Variants in AGTPBP1 observed in about 807,000 individuals in gnomAD.
The protein encoded by AGTPBP1 is ATP/GTP binding carboxypeptidase 1, also known as cytosolic carboxypeptidase 1.
A neutral mutation model predicts 143.9 loss-of-function variants in AGTPBP1; 70 were observed. The ratio of observed to expected loss-of-function variants is 0.49; its 90% CI spans 0.40 to 0.59. The LOEUF is 0.59. Ranked by LOEUF, AGTPBP1 falls within the 20% of genes least tolerant of loss-of-function variation. The pLI, the probability that AGTPBP1 is intolerant of heterozygous loss-of-function variation, is 0.00. For missense variants in AGTPBP1, 1,229 were observed against 1,464.5 expected (o/e 0.84, Z 2.62); for synonymous variants, 463 against 500.2 (o/e 0.93, Z 0.99).
At chr9:85,788,338 C>T in the AGTPBP1 span, among the ~76,000 whole-genome samples, 1 of 149,510 alleles carries the variant, frequency 6.7e-6, no homozygotes, top group Non-Finnish European at 1.5e-5. Flanking sequence ...ATCATAGAAA[C>T]CAAAGGTAAA....
At chr9:85,641,214 T>A (rs1832442088) in intron 13 of AGTPBP1, among the ~76,000 whole-genome samples, 1 of 152,208 alleles carries the variant, frequency 6.6e-6, no homozygotes, top group African/African-American at 2.4e-5. Context: ...TTCTCATATG[T>A]ACAGAAAAAG....
intron 17 of AGTPBP1, among the ~76,000 whole-genome samples, chr9:85,614,710 GA>G (rs1830505827): frequency 6.6e-6 from 1 of 151,984 alleles, no homozygotes; most frequent in Admixed American, 6.6e-5. Context: ...AAATAAATTA[GA>G]AACACAGTGG....
In AGTPBP1 at chr9:85,632,879, C is replaced by T. The variant is rs1831773089; in HGVS notation, c.1798G>A (p.Glu600Lys). 2 of 1,614,172 alleles carry T rather than the reference C, an allele frequency of 1.2e-6. No homozygotes were observed. Among genetic ancestry groups the T allele is most frequent in the Non-Finnish European group, 1.7e-6 (2 of 1,180,014 alleles). ...GKLCCTGVET[E>K]DDEDTESNSS... ...TTTGACTCAGTATCTTCATCATCTTCAGTTTCAACTCCAGTGCAGCAAAGC... is the reference window on the plus strand; with the variant it reads ...TTTGACTCAGTATCTTCATCATCTTTAGTTTCAACTCCAGTGCAGCAAAGC... The change falls in exon 14 of 26, where the codon GAA becomes AAA. Residue 600 changes from glutamate to lysine, a missense_variant. This residue lies in a region of AGTPBP1 where 743 missense variants were observed against 812.2 expected (regional missense o/e 0.91). Coordinates refer to ENST00000357081, the MANE Select transcript of AGTPBP1 (RefSeq NM_001330701.2).
At chr9:85,682,177 A>T (rs1471800469) in intron 3 of AGTPBP1, among the ~76,000 whole-genome samples, 1 of 144,358 alleles carries the variant, frequency 6.9e-6, no homozygotes, top group Non-Finnish European at 1.5e-5. Context: ...TTGGTTAAAA[A>T]AAAAAAAAAA....
At chr9:85,642,024 C>T (rs994528093) in intron 13 of AGTPBP1, among the ~76,000 whole-genome samples, 3 of 151,938 alleles carry the variant, frequency 2.0e-5, no homozygotes, top group Admixed American at 2.0e-4. Context: ...TAATTTCTCA[C>T]CTATAACCTC....
intron 13 of AGTPBP1, among the ~76,000 whole-genome samples, chr9:85,639,605 G>C (rs1457778847): frequency 2.6e-5 from 4 of 152,120 alleles, no homozygotes; most frequent in Non-Finnish European, 5.9e-5. Context: ...AAAACTATTT[G>C]ACACTTTAAA....
chr9:85,784,646 A>G, the AGTPBP1 span, among the ~76,000 whole-genome samples: 1 of 152,326 alleles, frequency 6.6e-6, no homozygotes, highest in South Asian at 2.1e-4. Flanking sequence ...GTCTGTGGTC[A>G]ACTTAGTATG....
the AGTPBP1 span, chr9:85,770,200 C>T: frequency 1.1e-6 from 1 of 905,328 alleles, no homozygotes; most frequent in Non-Finnish European, 1.7e-6. Flanking sequence ...CCATTAGACT[C>T]AAATAGTTTA....
intron 25 of AGTPBP1, 116 bp downstream of exon 25, chr9:85,575,199 T>C (rs867669021): frequency 3.1e-6 from 2 of 638,694 alleles, no homozygotes; most frequent in African/African-American, 3.8e-5. Flanking sequence ...ATTAACTTAA[T>C]TATATTAATT....
chr9:85,750,645 C>T, the AGTPBP1 span, among the ~76,000 whole-genome samples: 1 of 152,134 alleles, frequency 6.6e-6, no homozygotes. Flanking sequence ...GGTGTATAGC[C>T]TTCTTTTATC....
At chr9:85,619,360 A>T (rs34126889) in intron 15 of AGTPBP1, 59 bp from the exon 16 acceptor site, 1 of 1,171,286 alleles carries the variant, frequency 8.5e-7, no homozygotes, top group Non-Finnish European at 1.2e-6. Flanking sequence ...CAGATGAGCA[A>T]AAAGTAAATA....
At chr9:85,576,705 T>G (rs928986052) in intron 24 of AGTPBP1, among the ~76,000 whole-genome samples, 6 of 152,190 alleles carry the variant, frequency 3.9e-5, no homozygotes, top group African/African-American at 1.4e-4. Flanking sequence ...TAAGAGATGT[T>G]AAGTGTGTGT....
intron 11 of AGTPBP1, among the ~76,000 whole-genome samples, chr9:85,652,820 C>T (rs933607361): frequency 1.3e-5 from 2 of 152,142 alleles, no homozygotes; most frequent in Non-Finnish European, 2.9e-5. Flanking sequence ...GTAGTCCAGA[C>T]TTGTAATTGT....
chr9:85,666,385 T>TA (rs1312779269), intron 8 of AGTPBP1, among the ~76,000 whole-genome samples: 1 of 152,094 alleles, frequency 6.6e-6, no homozygotes, highest in African/African-American at 2.4e-5. Flanking sequence ...GAGCATTGTT[T>TA]AAAGGGAGGA....
intron 25 of AGTPBP1, among the ~76,000 whole-genome samples, chr9:85,568,412 G>A (rs1827245892): frequency 6.6e-6 from 1 of 152,180 alleles, no homozygotes; most frequent in African/African-American, 2.4e-5. Context: ...GCACTGTTCT[G>A]AAAATTCAAG....
chr9:85,635,654 C>T (rs1015060557), intron 13 of AGTPBP1, among the ~76,000 whole-genome samples: 8 of 152,042 alleles, frequency 5.3e-5, no homozygotes, highest in African/African-American at 1.9e-4. Flanking sequence ...CTACCTTTCA[C>T]TTTGAAAACA....
the AGTPBP1 span, chr9:85,764,677 T>C: frequency 1.2e-6 from 1 of 839,354 alleles, no homozygotes. Flanking sequence ...AGTAACTGTT[T>C]TCGGGGTGTC....
intron 2 of AGTPBP1, among the ~76,000 whole-genome samples, chr9:85,696,533 T>C (rs997750618): frequency 6.6e-5 from 10 of 151,760 alleles, no homozygotes; most frequent in African/African-American, 2.4e-4. Context: ...CCAGGTGTAG[T>C]GGCGCACATC....
chr9:85,708,884 G>A (rs556378101), intron 2 of AGTPBP1, among the ~76,000 whole-genome samples: 1 of 152,074 alleles, frequency 6.6e-6, no homozygotes, highest in East Asian at 1.9e-4. Flanking sequence ...CCAAGACAAG[G>A]TGCCTTAACT....
Sources: gnomAD v4.1 joint callset for allele counts (sites outside exome capture counted in the v4.1 genomes callset) on GRCh38, gnomAD v4.1.1 for gene constraint, gnomAD v4.1.1 regional missense constraint, MANE v1.5 for transcripts, NCBI Gene and HGNC (gene_info 2026-07-23, HGNC 2026-07-21) for gene names.